The following PACS2 variants were observed in gnomAD, a reference collection of about 807,000 sequenced individuals.
The protein encoded by PACS2 is phosphofurin acidic cluster sorting protein 2.
PACS2 carries 36 observed loss-of-function variants against 113.0 expected under a neutral mutation model. The ratio of observed to expected loss-of-function variants is 0.32; its 90% CI spans 0.24 to 0.42. The LOEUF is 0.42. Among genes scored for constraint, PACS2 ranks in the 10% least tolerant of loss-of-function variants. PACS2 has a pLI of 1.00. For missense variants in PACS2, 1,015 were observed against 1,239.5 expected, an observed-to-expected ratio of 0.82 and a Z score of 2.72; for synonymous variants, 589 against 536.1, an observed-to-expected ratio of 1.10 and a Z score of -1.36.
intron 20 of PACS2, chr14:105,390,970 G>C (rs1272087124): frequency 6.9e-6 from 4 of 583,346 alleles, no homozygotes; most frequent in East Asian, 2.8e-5. Flanking sequence ...ACTTTAGAGA[G>C]AGCAGTCCCT....
intron 23 of PACS2, 90 bp from the exon 24 acceptor site, chr14:105,393,132 C>A: frequency 1.0e-6 from 1 of 978,618 alleles, no homozygotes. Context: ...CCAGCTGAGC[C>A]CCCAGTGCCT....
chr14:105,389,831 G>GTCCGGCAGGGCCA (rs587610268), intron 19 of PACS2, 130 bp from the exon 20 acceptor site: 4 of 827,382 alleles, frequency 4.8e-6, no homozygotes, highest in Middle Eastern at 3.3e-4. Context: ...GGGCAGGGCT[G>GTCCGGCAGGGCCA]TCCGGCAGGG....
chr14:105,343,510 C>T (rs972328946), intron 1 of PACS2, among the ~76,000 whole-genome samples: 10 of 152,188 alleles, frequency 6.6e-5, no homozygotes, highest in African/African-American at 2.2e-4. Context: ...TTTGCTTCCT[C>T]GCCAGCATTT....
intron 1 of PACS2, among the ~76,000 whole-genome samples, chr14:105,338,851 A>G (rs1555401073): frequency 6.6e-6 from 1 of 152,056 alleles, no homozygotes; most frequent in East Asian, 1.9e-4. Context: ...TCATTGTGCC[A>G]TCTCCCCGCT....
chr14:105,321,970 C>G (rs950038483), intron 1 of PACS2, among the ~76,000 whole-genome samples: 1 of 151,100 alleles, frequency 6.6e-6, no homozygotes, highest in Non-Finnish European at 1.5e-5. Context: ...GACAGAGTCT[C>G]GCTGTGTCGC....
chr14:105,379,909 C>T, intron 10 of PACS2, 80 bp downstream of exon 10: 1 of 1,453,708 alleles, frequency 6.9e-7, no homozygotes, highest in South Asian at 1.1e-5. Flanking sequence ...CCCAGCATGT[C>T]CTGGGCCCAG....
At chr14:105,349,102 C>T (rs1026740156) in intron 2 of PACS2, among the ~76,000 whole-genome samples, 5 of 152,050 alleles carry the variant, frequency 3.3e-5, no homozygotes, top group Non-Finnish European at 7.3e-5. Flanking sequence ...GTGTCTTCCC[C>T]ATGCCTGGCC....
At chr14:105,321,945 CTT>C (rs1343971390) in intron 1 of PACS2, among the ~76,000 whole-genome samples, 9 of 142,840 alleles carry the variant, frequency 6.3e-5, no homozygotes, top group African/African-American at 2.3e-4. Flanking sequence ...CCTTTTCTGA[CTT>C]TTTTTTTTTT....
chr14:105,335,331 G>T (rs2059472484), intron 1 of PACS2, among the ~76,000 whole-genome samples: 1 of 151,096 alleles, frequency 6.6e-6, no homozygotes, highest in Non-Finnish European at 1.5e-5. Flanking sequence ...TGGCTGTGAC[G>T]CTGTGGCCGG....
At chr14:105,351,149 G>T (rs1195113467) in intron 2 of PACS2, among the ~76,000 whole-genome samples, 1 of 152,198 alleles carries the variant, frequency 6.6e-6, no homozygotes, top group Admixed American at 6.5e-5. Flanking sequence ...CCGGCCTCCG[G>T]GAACCTTGTG....
chr14:105,346,493 C>A (rs1446815264), intron 1 of PACS2, among the ~76,000 whole-genome samples: 2 of 136,820 alleles, frequency 1.5e-5, no homozygotes, highest in Admixed American at 7.2e-5. Context: ...ACATCCCCCC[C>A]ACCGCCTGCA....
intron 4 of PACS2, among the ~76,000 whole-genome samples, chr14:105,363,285 A>G (rs1397806246): frequency 1.3e-5 from 2 of 152,174 alleles, no homozygotes; most frequent in Non-Finnish European, 2.9e-5. Flanking sequence ...CTCTCTAGCT[A>G]TGAAAGTCCT....
intron 16 of PACS2, chr14:105,383,827 A>C: frequency 2.6e-6 from 1 of 377,794 alleles, no homozygotes; most frequent in South Asian, 3.8e-5. Context: ...CTCCTCCATC[A>C]GTCGCTGTGA....
chr14:105,313,743 AAACT>A (rs1272096070), upstream of PACS2, among the ~76,000 whole-genome samples: 1 of 152,256 alleles, frequency 6.6e-6, no homozygotes, highest in African/African-American at 2.4e-5. Flanking sequence ...AAGCAACTGT[AAACT>A]AACTGTGAAA....
upstream of PACS2, among the ~76,000 whole-genome samples, chr14:105,309,871 C>T (rs780085705): frequency 1.1e-4 from 16 of 150,768 alleles, no homozygotes; most frequent in Non-Finnish European, 1.8e-4. The surrounding 1 kb of genome is among the most constrained non-coding windows in gnomAD (Gnocchi z 4.0). Context: ...CTGCAAGCTC[C>T]GCCTCCTGGA....
Position 105,383,456 on chromosome 14 carries a change from C to G in PACS2, c.1723C>G (p.Leu575Val). The G allele has an allele frequency of 3.7e-6, 6 of 1,609,368 alleles. No homozygotes were observed. Among genetic ancestry groups the G allele is most frequent in the Non-Finnish European group, 5.1e-6 (6 of 1,179,538 alleles). ...CATCCTGCGGCTCTTTGTGGAGCAG[C>G]TGTCCCACAAGACACCCGACTGGCT... ...SAILRLFVEQ[L>V]SHKTPDWLGY... The change falls in exon 16 of 25, where the codon CTG becomes GTG. Residue 575 changes from leucine to valine, a missense_variant. Physicochemically the swap from Leu to Val is conservative, Grantham distance 32 (BLOSUM62 1). Around this residue, in one of 3 missense-constraint regions of PACS2, gnomAD observed 859 missense variants for 1,056.8 expected, o/e 0.81. Coordinates refer to ENST00000447393, the MANE Select transcript of PACS2 (RefSeq NM_001100913.3).
chr14:105,310,008 A>ACTCCTGACCTGGAGATCCACCCGCCTC (rs2058303900), upstream of PACS2, among the ~76,000 whole-genome samples: 2 of 148,782 alleles, frequency 1.3e-5, no homozygotes, highest in Non-Finnish European at 3.0e-5. Flanking sequence ...CTAGTTTTGA[A>ACTCCTGACCTGGAGATCCACCCGCCTC]CTCCTGACCT....
Position 105,363,643 on chromosome 14 carries a change from C to T in PACS2, c.424-3570C>T, listed in dbSNP as rs116737514. Among the ~76,000 whole-genome samples, 1,148 of 152,328 alleles carry T rather than the reference C, an allele frequency of 7.5e-3. 19 individuals are homozygous for T. The highest frequency in any genetic ancestry group is 0.026 in the African/African-American group (1,094 of 41,562). The stretch of plus-strand genomic sequence containing the variant: ...CGGCCACTCACTCTCTCCACACCGT[C>T]ACTGAGGCTGCTCTGCTGATTCTCC... On this transcript the variant is annotated intron_variant, in intron 4 of 24. Coordinates refer to ENST00000447393, the MANE Select transcript of PACS2 (RefSeq NM_001100913.3).
At chr14:105,326,085 CT>C (rs1303012766) in intron 1 of PACS2, among the ~76,000 whole-genome samples, 3 of 152,266 alleles carry the variant, frequency 2.0e-5, no homozygotes, top group Non-Finnish European at 4.4e-5. Context: ...CCAGCCAGGA[CT>C]TCCCTCTTTT....
Sources: allele counts gnomAD v4.1 joint callset (sites outside exome capture counted in the v4.1 genomes callset), GRCh38; gene constraint gnomAD v4.1.1; regional missense constraint gnomAD v4.1.1; non-coding constraint Gnocchi (gnomAD v3.1); transcripts MANE v1.5; gene names NCBI Gene and HGNC (gene_info 2026-07-23, HGNC 2026-07-21).